The following RANBP2 variants were observed in gnomAD, a reference collection of about 807,000 sequenced individuals.
RANBP2 encodes the protein RAN binding protein 2, also known as E3 SUMO-protein ligase RanBP2.
A neutral mutation model predicts 303.6 loss-of-function variants in RANBP2; 57 were observed. The observed-to-expected ratio is 0.19, with a 90% confidence interval of 0.15 to 0.23. The LOEUF (loss-of-function observed/expected upper bound fraction) is 0.23, where lower values mean the gene tolerates loss of function less well. Among genes scored for constraint, RANBP2 ranks in the 10% least tolerant of loss-of-function variants. The probability of loss-of-function intolerance (pLI) is 1.00; values close to 1 mark genes in which losing one functional copy is unlikely to be tolerated. For synonymous variants in RANBP2, 1,167 were observed against 1,301.5 expected, an observed-to-expected ratio of 0.90 and a Z score of 2.23; for missense variants, 3,138 against 3,780.8, an observed-to-expected ratio of 0.83 and a Z score of 4.46.
the RANBP2 span, chr2:109,617,557 C>T: frequency 1.8e-5 from 3 of 166,924 alleles, no homozygotes; most frequent in South Asian, 2.1e-4. Flanking sequence ...TTTTGGGTCG[C>T]GTAGTTGCTG....
the RANBP2 span, among the ~76,000 whole-genome samples, chr2:109,288,186 G>T: frequency 2.0e-5 from 3 of 152,228 alleles, no homozygotes; most frequent in African/African-American, 7.2e-5. Context: ...CGATGTGTTT[G>T]CAGCCATTCA....
the RANBP2 span, among the ~76,000 whole-genome samples, chr2:109,047,908 T>C: frequency 7.3e-3 from 1,114 of 152,338 alleles, 7 homozygotes; most frequent in East Asian, 0.034. Context: ...GCTTTTTAGG[T>C]GCTTCTCCAC....
chr2:109,351,997 C>G, the RANBP2 span, among the ~76,000 whole-genome samples: 8 of 152,226 alleles, frequency 5.3e-5, no homozygotes. Flanking sequence ...GGATAAAAAT[C>G]AAATATAGAG....
At chr2:109,485,303 C>T in the RANBP2 span, among the ~76,000 whole-genome samples, 26 of 152,328 alleles carry the variant, frequency 1.7e-4, 2 homozygotes, top group East Asian at 1.9e-3. Flanking sequence ...TGTGCACTTA[C>T]GGGTCACATG....
At position 108,775,848 on chromosome 2, in the gene RANBP2, T is replaced by C. The variant is rs1324047777; in HGVS notation, c.8409T>C (p.Ile2803=). 2.5e-6 allele frequency: 4 copies of C among 1,613,602 alleles called. No homozygotes were observed. The highest frequency in any genetic ancestry group is 3.4e-6 in the Non-Finnish European group (4 of 1,179,940). ...AACCTGATTCTATTACCAAATCCAT[T>C]AGTTCACCATCTGTTTCCTCTGAAA... ...SEEPDSITKS[I]SSPSVSSETM... is the part of the protein sequence containing the mutation. The change falls in exon 24 of 29, where the codon ATT becomes ATC. Residue 2803 remains isoleucine (I), a synonymous_variant. Transcript: ENST00000283195.
the RANBP2 span, among the ~76,000 whole-genome samples, chr2:109,187,888 G>A: frequency 2.6e-5 from 4 of 152,268 alleles, no homozygotes; most frequent in Admixed American, 6.5e-5. Context: ...CGCCGTCACC[G>A]TGGGTGTTAA....
the RANBP2 span, among the ~76,000 whole-genome samples, chr2:109,374,762 C>T: frequency 6.6e-6 from 1 of 152,232 alleles, no homozygotes; most frequent in Admixed American, 6.5e-5. Flanking sequence ...TCTGCAGGCA[C>T]CTGGCAGGGT....
chr2:109,479,342 C>T, the RANBP2 span, among the ~76,000 whole-genome samples: 2 of 152,152 alleles, frequency 1.3e-5, no homozygotes, highest in Non-Finnish European at 2.9e-5. Context: ...AGTAGAGACA[C>T]AGTGTTGTGG....
the RANBP2 span, among the ~76,000 whole-genome samples, chr2:109,461,987 C>T: frequency 6.6e-6 from 1 of 152,080 alleles, no homozygotes; most frequent in African/African-American, 2.4e-5. Context: ...TTTTCTCCAC[C>T]TTACGAGGGA....
chr2:109,162,561 A>T, the RANBP2 span, among the ~76,000 whole-genome samples: 2 of 152,092 alleles, frequency 1.3e-5, no homozygotes. Context: ...TGAACTCATC[A>T]TTTTTTATGG....
At chr2:109,487,977 GC>G in the RANBP2 span, among the ~76,000 whole-genome samples, 1 of 152,236 alleles carries the variant, frequency 6.6e-6, no homozygotes, top group Non-Finnish European at 1.5e-5. Flanking sequence ...CAGCCACCAG[GC>G]CCCTTCATGG....
chr2:109,601,578 CTTCT>C, the RANBP2 span, among the ~76,000 whole-genome samples: 1 of 152,080 alleles, frequency 6.6e-6, no homozygotes, highest in African/African-American at 2.4e-5. Flanking sequence ...CAGGGTACTC[CTTCT>C]TTGTTTCTCT....
At chr2:109,698,422 C>G in the RANBP2 span, among the ~76,000 whole-genome samples, 1 of 149,802 alleles carries the variant, frequency 6.7e-6, no homozygotes, top group Non-Finnish European at 1.5e-5. Flanking sequence ...GCTGAGATCG[C>G]GCCACTGCAC....
At chr2:108,721,774 T>C (rs1482433213) in intron 1 of RANBP2, among the ~76,000 whole-genome samples, 2 of 152,082 alleles carry the variant, frequency 1.3e-5, no homozygotes, top group African/African-American at 2.4e-5. Context: ...CAAGGTCTCT[T>C]TCTGTCTCCC....
At chr2:109,427,327 A>T in the RANBP2 span, among the ~76,000 whole-genome samples, 1 of 152,344 alleles carries the variant, frequency 6.6e-6, no homozygotes, top group African/African-American at 2.4e-5. Context: ...GCTATCGCAT[A>T]CTTAATACGC....
chr2:109,271,204 G>A, the RANBP2 span, among the ~76,000 whole-genome samples: 22 of 152,208 alleles, frequency 1.4e-4, no homozygotes, highest in South Asian at 2.7e-3. Context: ...AAGGTTTGCC[G>A]GCTTGAAATG....
chr2:109,187,345 A>G, the RANBP2 span, among the ~76,000 whole-genome samples: 1 of 131,958 alleles, frequency 7.6e-6, no homozygotes, highest in Non-Finnish European at 1.6e-5. Flanking sequence ...TCCAGAGTGC[A>G]AAAGACAACC....
chr2:109,708,449 G>T, the RANBP2 span, among the ~76,000 whole-genome samples: 1 of 151,968 alleles, frequency 6.6e-6, no homozygotes, highest in East Asian at 1.9e-4. Flanking sequence ...CTTGAGTCCA[G>T]GAGTTCAAGA....
chr2:108,846,535 A>T, the RANBP2 span, among the ~76,000 whole-genome samples: 2 of 147,988 alleles, frequency 1.4e-5, no homozygotes, highest in South Asian at 4.2e-4. Context: ...AAAAAACCTG[A>T]GTGTGGTAGT....
Sources: allele counts gnomAD v4.1 joint callset (sites outside exome capture counted in the v4.1 genomes callset), GRCh38; gene constraint gnomAD v4.1.1; transcripts MANE v1.5; gene names NCBI Gene and HGNC (gene_info 2026-07-23, HGNC 2026-07-21).